The following DHX35 variants were observed in gnomAD, a reference collection of about 807,000 sequenced individuals.
DHX35 encodes the protein DEAH-box helicase 35.
Under a neutral mutation model 99.6 loss-of-function variants are expected in DHX35, and 84 were observed. The ratio of observed to expected loss-of-function variants is 0.84; its 90% CI spans 0.71 to 1.01. The LOEUF (loss-of-function observed/expected upper bound fraction) is 1.01. Among genes scored for constraint, DHX35 ranks in the 50% least tolerant of loss-of-function variants. DHX35 has a pLI of 0.00. For missense variants in DHX35, 852 were observed against 888.5 expected (o/e 0.96, Z 0.52); for synonymous variants, 331 against 316.2 (o/e 1.05, Z -0.50).
chr20:39,019,078 G>A (rs918274828), intron 15 of DHX35, among the ~76,000 whole-genome samples, 179 bp downstream of exon 15: 2 of 152,042 alleles, frequency 1.3e-5, no homozygotes, highest in African/African-American at 4.8e-5. Context: ...TACAAAGTAC[G>A]TTCACATTGT....
At chr20:39,038,347 C>T in intron 21 of DHX35, 152 bp from the exon 22 acceptor site, 9 of 888,192 alleles carry the variant, frequency 1.0e-5, no homozygotes, top group Non-Finnish European at 1.3e-5. Flanking sequence ...TGGGCTTTTT[C>T]CTTCCAGGCT....
chr20:39,037,510 C>T (rs572900590), intron 21 of DHX35, among the ~76,000 whole-genome samples: 117 of 152,226 alleles, frequency 7.7e-4, no homozygotes, highest in African/African-American at 2.8e-3. Context: ...TGTCTTCGTT[C>T]ACGCCCTCCA....
In DHX35 at chr20:38,994,881, G is replaced by GT. The variant is rs751105345; in HGVS notation, c.642+2dup. ...AGCTTCAGCCACTCTGGATGCAGAC[G>GT]TAAGAGCCTTGCCTCCCCTTTCCTC... On this transcript the variant is annotated splice_donor_variant, in intron 8 of 21. Transcript: ENST00000252011. LOFTEE classifies it high-confidence loss of function. 8 of 1,613,482 alleles carry GT rather than the reference G, an allele frequency of 5.0e-6. No homozygotes were observed. The highest frequency in any genetic ancestry group is 6.8e-6 in the Non-Finnish European group (8 of 1,179,476).
chr20:38,980,752 G>A (rs1328387990), intron 3 of DHX35, among the ~76,000 whole-genome samples: 3 of 152,080 alleles, frequency 2.0e-5, no homozygotes, highest in African/African-American at 7.2e-5. Flanking sequence ...TCGAAAGCAG[G>A]CCATTAACAT....
At chr20:39,027,060 C>G (rs567298624) in intron 18 of DHX35, among the ~76,000 whole-genome samples, 13 of 152,318 alleles carry the variant, frequency 8.5e-5, no homozygotes, top group East Asian at 7.7e-4. Flanking sequence ...ATTGTAGTGT[C>G]TAAGATGCTC....
chr20:39,006,190 C>T lies in DHX35; in HGVS notation c.1056C>T (p.Ser352=), dbSNP rs539340822. ...TGGCAGAAACCTCTATCACAATCAGCGGCATTGTGTATGTGATCGACTGTG... is the reference window on the plus strand; with the variant it reads ...TGGCAGAAACCTCTATCACAATCAGTGGCATTGTGTATGTGATCGACTGTG... The part of the protein sequence containing the change: ...TNVAETSITI[S]GIVYVIDCGF... Residue 352 remains serine (S), a synonymous_variant, in exon 12 of 22, where the codon AGC becomes AGT. Coordinates refer to ENST00000252011, the MANE Select transcript of DHX35 (RefSeq NM_021931.4). 3.8e-5 allele frequency: 62 copies of T among 1,613,952 alleles called. No individual in the cohort carries two copies. Among genetic ancestry groups the T allele is most frequent in the Non-Finnish European group, 4.5e-5 (53 of 1,180,012 alleles).
In DHX35 at chr20:38,962,367, C is replaced by G. The variant is rs1384687117; in HGVS notation, c.-1C>G. The G allele has an allele frequency of 3.1e-6, 5 of 1,612,580 alleles. No individual in the cohort carries two copies. The highest frequency in any genetic ancestry group is 4.2e-6 in the Non-Finnish European group (5 of 1,179,286). ...CTAGCCTCGTGACCTTTTACCCCAACATGGCTGCGCCCGTGGGACCGGTGA... is the reference window on the plus strand; with the variant it reads ...CTAGCCTCGTGACCTTTTACCCCAAGATGGCTGCGCCCGTGGGACCGGTGA... On this transcript the variant is annotated 5_prime_UTR_variant, in exon 1 of 22. Transcript: ENST00000252011.
At chr20:38,991,822 A>C (rs1001365012) in intron 6 of DHX35, among the ~76,000 whole-genome samples, 2 of 152,210 alleles carry the variant, frequency 1.3e-5, no homozygotes, top group Non-Finnish European at 2.9e-5. Flanking sequence ...CCCTGTGTTA[A>C]ATGTAATATA....
intron 4 of DHX35, 82 bp from the exon 5 acceptor site, chr20:38,988,731 A>G (rs2086286795): frequency 1.3e-6 from 2 of 1,573,546 alleles, no homozygotes; most frequent in Non-Finnish European, 1.7e-6. Context: ...TAAAATATAA[A>G]TGACCTTTAG....
At chr20:39,006,414 A>G in intron 12 of DHX35, 58 bp downstream of exon 12, 1 of 1,578,696 alleles carries the variant, frequency 6.3e-7, no homozygotes, top group Non-Finnish European at 8.7e-7. Context: ...TGGGCAACAG[A>G]GTGTAGCAAA....
intron 1 of DHX35, among the ~76,000 whole-genome samples, chr20:38,964,470 G>A (rs550246966): frequency 4.4e-4 from 66 of 151,448 alleles, no homozygotes; most frequent in African/African-American, 1.5e-3. Flanking sequence ...TGGCTCAGCC[G>A]CCCAGGCTGG....
At chr20:38,993,703 C>A (rs1461112632) in intron 7 of DHX35, among the ~76,000 whole-genome samples, 1 of 140,544 alleles carries the variant, frequency 7.1e-6, no homozygotes, top group Non-Finnish European at 1.5e-5. Context: ...TTTTTTTTCA[C>A]GTTGGCTATT....
At chr20:38,970,718 T>C (rs1046960533) in intron 2 of DHX35, among the ~76,000 whole-genome samples, 1 of 152,194 alleles carries the variant, frequency 6.6e-6, no homozygotes, top group East Asian at 1.9e-4. Flanking sequence ...GCAAGATACC[T>C]GACATGTAGT....
Position 39,014,917 on chromosome 20 carries a change from T to TA in DHX35, c.1386dup (p.Leu463ThrfsTer15), listed in dbSNP as rs1248309191. On this transcript the variant is annotated frameshift_variant, in exon 14 of 22. Transcript: ENST00000252011. LOFTEE classifies it high-confidence loss of function. ...CAGTCGATGGTTCAAGCCTTGGAGTTACTGTATGCTCTGGGAGGTATGCCA... is the reference window on the plus strand; with the variant it reads ...CAGTCGATGGTTCAAGCCTTGGAGTTAACTGTATGCTCTGGGAGGTATGCCA... 1.2e-6 allele frequency: 2 copies of TA among 1,614,218 alleles called. No homozygotes were observed. The highest frequency in any genetic ancestry group is 1.7e-6 in the Non-Finnish European group (2 of 1,180,028).
At chr20:39,021,793 T>C in intron 15 of DHX35, 48 bp from the exon 16 acceptor site, 1 of 1,571,644 alleles carries the variant, frequency 6.4e-7, no homozygotes, top group East Asian at 2.2e-5. Context: ...TTTCACTTCT[T>C]GTTGGCACAT....
chr20:38,978,783 G>C (rs1221639817), intron 3 of DHX35, among the ~76,000 whole-genome samples: 1 of 152,132 alleles, frequency 6.6e-6, no homozygotes, highest in East Asian at 1.9e-4. Context: ...GTGTCATGAA[G>C]TGTTTCCCTT....
intron 3 of DHX35, among the ~76,000 whole-genome samples, chr20:38,972,854 A>G (rs2086024072): frequency 6.6e-6 from 1 of 152,248 alleles, no homozygotes; most frequent in African/African-American, 2.4e-5. Flanking sequence ...TCGATTTATT[A>G]TAATTCCAAA....
intron 21 of DHX35, among the ~76,000 whole-genome samples, chr20:39,037,608 C>T (rs2087176609): frequency 6.6e-6 from 1 of 152,170 alleles, no homozygotes; most frequent in South Asian, 2.1e-4. Flanking sequence ...GGCACACCAG[C>T]TCCGGAGCAG....
At chr20:39,036,737 A>C (rs1033575000) in intron 21 of DHX35, among the ~76,000 whole-genome samples, 45 of 151,182 alleles carry the variant, frequency 3.0e-4, no homozygotes, top group African/African-American at 1.0e-3. Flanking sequence ...AAAAAAAAAA[A>C]AAAAAAAAAA....
Sources: gnomAD v4.1 joint callset for allele counts (sites outside exome capture counted in the v4.1 genomes callset) on GRCh38, gnomAD v4.1.1 for gene constraint, MANE v1.5 for transcripts, NCBI Gene and HGNC (gene_info 2026-07-23, HGNC 2026-07-21) for gene names.